The following CBLL2 variants were observed in gnomAD, a reference collection of about 807,000 sequenced individuals.
CBLL2 encodes Cbl proto-oncogene like 2.
For missense variants in CBLL2, 347 were observed against 343.2 expected (o/e 1.01, Z -0.09); for synonymous variants, 123 against 124.9 (o/e 0.98, Z 0.10).
Position 22,274,261 on chromosome X carries a change from C to T in CBLL2, c.1270C>T (p.Arg424Trp), listed in dbSNP as rs765581221. 22 of 1,202,165 alleles carry T rather than the reference C, an allele frequency of 1.8e-5. No individual in the cohort carries two copies. The South Asian group carries it at 2.5e-4, about 14-fold the overall frequency. Residue 424 changes from arginine (R) to tryptophan (W), a missense_variant, in exon 1 of 1, where the codon CGG becomes TGG. Transcript: ENST00000323684. ...TCATTCACACCAGAGAAGACATAGA[C>T]GGTATTAAGGATGATAACAGTATTT... ...SHHSHQRRHR[R>W]Y
chrX:22,273,889 C>T lies in CBLL2; in HGVS notation c.898C>T (p.Pro300Ser). The T allele has an allele frequency of 2.5e-6, 3 of 1,211,331 alleles. No homozygotes were observed. Among genetic ancestry groups the T allele is most frequent in the Non-Finnish European group, 3.4e-6 (3 of 895,385 alleles). Residue 300 changes from proline (P) to serine (S), a missense_variant, in exon 1 of 1, where the codon CCT becomes TCT. By Grantham distance (74) the Pro-to-Ser change is moderately conservative. Coordinates refer to ENST00000323684, the MANE Select transcript of CBLL2 (RefSeq NM_152577.4). ...SPVNHQMPYP[P>S]QDVVTPNSVR... ...AGTAAACCATCAAATGCCATATCCT[C>T]CTCAGGATGTAGTTACTCCTAACTC...
Position 22,273,108 on chromosome X carries a change from G to T in CBLL2, c.117G>T (p.Gly39=), listed in dbSNP as rs771752633. ...KKKKIPGYRW[G]DIKINIIGEK... ...AAAAAATTCCTGGTTACCGTTGGGG[G>T]GACATTAAGATAAACATCATAGGTG... is the stretch of plus-strand genomic sequence containing the variant. Residue 39 remains glycine, a synonymous_variant, in exon 1 of 1, where the codon GGG becomes GGT. Transcript: ENST00000323684. 5.8e-6 allele frequency: 7 copies of T among 1,210,649 alleles called. No homozygotes were observed. Among genetic ancestry groups the T allele is most frequent in the South Asian group, 3.5e-5 (2 of 56,868 alleles).
rs141246738 is a variant in CBLL2, at chrX:22,273,743, C to T, written c.752C>T (p.Ala251Val). 2,063 of 1,209,563 alleles carry T rather than the reference C, an allele frequency of 1.7e-3. 2 individuals carry two copies. The highest frequency in any genetic ancestry group is 2.2e-3 in the Non-Finnish European group (1,930 of 895,116). ...DHIQNNSDSGAKKPTPPDYYP... is the reference protein window; with the variant it reads ...DHIQNNSDSGVKKPTPPDYYP... The stretch of plus-strand genomic sequence containing the variant: ...ATTCAGAATAACTCAGATTCTGGTG[C>T]TAAGAAGCCAACACCTCCCGACTAT... The change falls in exon 1 of 1, where the codon GCT becomes GTT. Residue 251 changes from alanine to valine, a missense_variant. Ala to Val is a moderately conservative substitution (Grantham distance 64). Transcript: ENST00000323684.
Position 22,273,412 on chromosome X carries a change from G to A in CBLL2, c.421G>A (p.Ala141Thr), listed in dbSNP as rs1569106426. The A allele has an allele frequency of 3.3e-6, 4 of 1,211,602 alleles. No homozygotes were observed. Among genetic ancestry groups the A allele is most frequent in the Non-Finnish European group, 4.5e-6 (4 of 895,542 alleles). The part of the protein sequence containing the change: ...QAHIKRRHKR[A>T]RKQVTSASLE... ...TCATATCAAACGCCGCCATAAGAGA[G>A]CTCGAAAACAAGTTACCAGCGCTTC... Residue 141 changes from alanine to threonine, a missense_variant, in exon 1 of 1, where the codon GCT becomes ACT. By Grantham distance (58) the Ala-to-Thr change is moderately conservative. Transcript: ENST00000323684.
In CBLL2 at chrX:22,274,020, CCA is replaced by C; in HGVS notation, c.1030_1031del (p.Gln344ValfsTer5). ...DMNSPPLRAP[Q>X]SQNGNPSASE... ...TGAATTCTCCTCCACTACGTGCTCC[CCA>C]GTCTCAAAATGGTAATCCATCTGCA... On this transcript the variant is annotated frameshift_variant, in exon 1 of 1. Coordinates refer to ENST00000323684, the MANE Select transcript of CBLL2 (RefSeq NM_152577.4). LOFTEE classifies it low-confidence loss of function (END_TRUNC). The C allele has an allele frequency of 8.3e-7, 1 of 1,211,547 alleles. No homozygotes were observed. Among genetic ancestry groups the C allele is most frequent in the Non-Finnish European group, 1.1e-6 (1 of 895,386 alleles).
chrX:22,274,144 A>G lies in CBLL2; in HGVS notation c.1153A>G (p.Met385Val). 1 of 1,211,945 alleles carries G rather than the reference A, an allele frequency of 8.3e-7. No homozygotes were observed. The highest frequency in any genetic ancestry group is 1.1e-6 in the Non-Finnish European group (1 of 895,537). ...LSPQFTQTDA[M>V]DHRRWPAWKR... ...CCCTCAGTTTACACAAACAGATGCA[A>G]TGGATCATAGAAGGTGGCCTGCATG... Residue 385 changes from methionine (M) to valine (V), a missense_variant, in exon 1 of 1, where the codon ATG (methionine) becomes GTG (valine). Physicochemically the swap from Met to Val is conservative, Grantham distance 21. Coordinates refer to ENST00000323684, the MANE Select transcript of CBLL2 (RefSeq NM_152577.4).
At position 22,273,459 on chromosome X, in the gene CBLL2, T is replaced by C. The variant is rs1758449808; in HGVS notation, c.468T>C (p.His156=). Residue 156 remains histidine (H), a synonymous_variant, in exon 1 of 1, where the codon CAT becomes CAC. Coordinates refer to ENST00000323684, the MANE Select transcript of CBLL2 (RefSeq NM_152577.4). ...TSASLEKVRP[H]IAPPQTEISD... The stretch of plus-strand genomic sequence containing the variant: ...CTTCGCTTGAAAAAGTTCGTCCTCA[T>C]ATTGCTCCGCCACAAACTGAAATCT... 5.0e-6 allele frequency: 6 copies of C among 1,209,687 alleles called. No individual in the cohort carries two copies. The highest frequency in any genetic ancestry group is 2.3e-4 in the Middle Eastern group (1 of 4,354).
Position 22,273,361 on chromosome X carries a change from T to C in CBLL2, c.370T>C (p.Tyr124His). The change falls in exon 1 of 1, where the codon TAC (tyrosine) becomes CAC (histidine). Residue 124 changes from tyrosine to histidine, a missense_variant. Transcript: ENST00000323684. ...TATTGTTCAGCAGTGCAAGAGAACATACTTGTCTCAGAAAAGCTTACAGGC... is the reference window on the plus strand; with the variant it reads ...TATTGTTCAGCAGTGCAAGAGAACACACTTGTCTCAGAAAAGCTTACAGGC... ...CSIVQQCKRT[Y>H]LSQKSLQAHI... 8.3e-7 allele frequency: 1 copy of C among 1,211,944 alleles called. No homozygotes were observed. Among genetic ancestry groups the C allele is most frequent in the Non-Finnish European group, 1.1e-6 (1 of 895,568 alleles).
chrX:22,273,660 C>G lies in CBLL2; in HGVS notation c.669C>G (p.Ile223Met). The G allele has an allele frequency of 8.3e-7, 1 of 1,211,250 alleles. No homozygotes were observed. The highest frequency in any genetic ancestry group is 1.7e-5 in the African/African-American group (1 of 57,742). The change falls in exon 1 of 1, where the codon ATC becomes ATG. Residue 223 changes from isoleucine to methionine, a missense_variant. By Grantham distance (10) the Ile-to-Met change is conservative. Coordinates refer to ENST00000323684, the MANE Select transcript of CBLL2 (RefSeq NM_152577.4). ...PELSLSLPFP[I>M]QWETVSIFTR... ...TATCTCTAAGTCTGCCTTTTCCCAT[C>G]CAGTGGGAAACCGTTAGTATTTTTA...
At position 22,273,702 on chromosome X, in the gene CBLL2, T is replaced by C. The variant is rs1277599939; in HGVS notation, c.711T>C (p.Asn237=). The C allele has an allele frequency of 8.3e-7, 1 of 1,209,814 alleles. No homozygotes were observed. Among genetic ancestry groups the C allele is most frequent in the Non-Finnish European group, 1.1e-6 (1 of 895,204 alleles). Residue 237 remains asparagine (N), a synonymous_variant, in exon 1 of 1, where the codon AAT becomes AAC. Transcript: ENST00000323684. ...GTATTTTTACGAGAAAACATGGCAA[T>C]TTAACAGTTGATCATATTCAGAATA... ...TVSIFTRKHG[N]LTVDHIQNNS...
In CBLL2 at chrX:22,274,451, C is replaced by A; in HGVS notation, c.*182C>A. ...TTCCTGAAATAAATATGCAATGTTA[C>A]ATTTTCAAAAGTATTGTGGTTTTTA... On this transcript the variant is annotated 3_prime_UTR_variant, in exon 1 of 1. Coordinates refer to ENST00000323684, the MANE Select transcript of CBLL2 (RefSeq NM_152577.4). 2 of 387,727 alleles carry A rather than the reference C, an allele frequency of 5.2e-6. No homozygotes were observed. Among genetic ancestry groups the A allele is most frequent in the African/African-American group, 2.7e-5 (1 of 37,583 alleles). The allele number at this position is 387,727 out of a possible 1,213,427, so 32.0% of individuals were successfully genotyped here.
chrX:22,273,228 T>C lies in CBLL2; in HGVS notation c.237T>C (p.Tyr79=). 1 of 1,211,867 alleles carries C rather than the reference T, an allele frequency of 8.3e-7. No homozygotes were observed. Among genetic ancestry groups the C allele is most frequent in the Non-Finnish European group, 1.1e-6 (1 of 895,454 alleles). ...TTCCGTGCAAGCATGCTTTTTGCTA[T>C]CACTGTGCTAATTTATATGACAAAG... The part of the protein sequence containing the change: ...RIIPCKHAFC[Y]HCANLYDKVG... The change falls in exon 1 of 1, where the codon TAT becomes TAC. Residue 79 remains tyrosine (Y), a synonymous_variant. Transcript: ENST00000323684.
Position 22,273,059 on chromosome X carries a change from G to T in CBLL2, c.68G>T (p.Gly23Val), listed in dbSNP as rs1276169767. Residue 23 changes from glycine (G) to valine (V), a missense_variant, in exon 1 of 1, where the codon GGA becomes GTA. Coordinates refer to ENST00000323684, the MANE Select transcript of CBLL2 (RefSeq NM_152577.4). ...YNKEGKYYSK[G>V]VKLVRKKKKI... ...AAAGAAGGGAAGTACTACTCTAAAG[G>T]AGTTAAACTGGTGAGAAAAAAGAAA... The T allele has an allele frequency of 8.3e-7, 1 of 1,208,717 alleles. No individual in the cohort carries two copies. Among genetic ancestry groups the T allele is most frequent in the Non-Finnish European group, 1.1e-6 (1 of 893,690 alleles).
chrX:22,274,033 G>A lies in CBLL2; in HGVS notation c.1042G>A (p.Gly348Ser), dbSNP rs1936796584. 8.3e-6 allele frequency: 10 copies of A among 1,209,436 alleles called. No homozygotes were observed. Among genetic ancestry groups the A allele is most frequent in the Non-Finnish European group, 6.7e-6 (6 of 895,090 alleles). Reference protein sequence around the residue: ...PPLRAPQSQNGNPSASEFASH... With the variant: ...PPLRAPQSQNSNPSASEFASH... ...ACTACGTGCTCCCCAGTCTCAAAAT[G>A]GTAATCCATCTGCAAGTGAATTTGC... is the stretch of plus-strand genomic sequence containing the variant. The change falls in exon 1 of 1, where the codon GGT becomes AGT. Residue 348 changes from glycine (G) to serine (S), a missense_variant. By Grantham distance (56) the Gly-to-Ser change is moderately conservative. Transcript: ENST00000323684.
Position 22,273,553 on chromosome X carries a change from G to C in CBLL2, c.562G>C (p.Val188Leu). The C allele has an allele frequency of 8.3e-7, 1 of 1,210,774 alleles. No individual in the cohort carries two copies. The highest frequency in any genetic ancestry group is 1.8e-5 in the South Asian group (1 of 56,883). The change falls in exon 1 of 1, where the codon GTG becomes CTG. Residue 188 changes from valine to leucine, a missense_variant. Val to Leu is a conservative substitution (Grantham distance 32, BLOSUM62 1). Transcript: ENST00000323684. Reference sequence around the variant, plus strand: ...TATTCCACCAGAACAGCACACCATGGTGTCACTACCGTCTGTGCAACATAT... The same window carrying C: ...TATTCCACCAGAACAGCACACCATGCTGTCACTACCGTCTGTGCAACATAT... ...SYIPPEQHTM[V>L]SLPSVQHMLQ... is the part of the protein sequence containing the mutation.
rs748598374 is a variant in CBLL2 at position 22,274,130 on chromosome X, C to T, written c.1139C>T (p.Thr380Ile). 5 of 1,210,212 alleles carry T rather than the reference C, an allele frequency of 4.1e-6. No homozygotes were observed. In the East Asian group the frequency reaches 1.5e-4, roughly 36 times the overall value. Reference sequence around the variant, plus strand: ...CAAGAAACCTTGAGCCCTCAGTTTACACAAACAGATGCAATGGATCATAGA... The same window carrying T: ...CAAGAAACCTTGAGCCCTCAGTTTATACAAACAGATGCAATGGATCATAGA... ...ENQETLSPQF[T>I]QTDAMDHRRW... Residue 380 changes from threonine (T) to isoleucine (I), a missense_variant, in exon 1 of 1, where the codon ACA becomes ATA. Coordinates refer to ENST00000323684, the MANE Select transcript of CBLL2 (RefSeq NM_152577.4).
In CBLL2 at chrX:22,273,400, C is replaced by T. The variant is rs373087492; in HGVS notation, c.409C>T (p.Arg137Cys). ...QKSLQAHIKR[R>C]HKRARKQVTS... ...AAGCTTACAGGCTCATATCAAACGC[C>T]GCCATAAGAGAGCTCGAAAACAAGT... The change falls in exon 1 of 1, where the codon CGC becomes TGC. Residue 137 changes from arginine to cysteine, a missense_variant. Arg to Cys is a radical substitution (Grantham distance 180, BLOSUM62 -3). Coordinates refer to ENST00000323684, the MANE Select transcript of CBLL2 (RefSeq NM_152577.4). 3.3e-6 allele frequency: 4 copies of T among 1,209,816 alleles called. No individual in the cohort carries two copies. Among genetic ancestry groups the T allele is most frequent in the Middle Eastern group, 2.3e-4 (1 of 4,370 alleles).
rs946365902 is a variant in CBLL2 at position 22,274,114 on chromosome X, T to C, written c.1123T>C (p.Leu375=). The change falls in exon 1 of 1, where the codon TTG becomes CTG. Residue 375 remains leucine, a synonymous_variant. Coordinates refer to ENST00000323684, the MANE Select transcript of CBLL2 (RefSeq NM_152577.4). ...LPQFTENQET[L]SPQFTQTDAM... is the part of the protein sequence containing the mutation. Reference sequence around the variant, plus strand: ...TCAGTTCACCGAAAATCAAGAAACCTTGAGCCCTCAGTTTACACAAACAGA... The same window carrying C: ...TCAGTTCACCGAAAATCAAGAAACCCTGAGCCCTCAGTTTACACAAACAGA... 8.3e-7 allele frequency: 1 copy of C among 1,210,009 alleles called. No individual in the cohort carries two copies. Among genetic ancestry groups the C allele is most frequent in the Non-Finnish European group, 1.1e-6 (1 of 895,357 alleles).
chrX:22,274,303 T>G lies in CBLL2; in HGVS notation c.*34T>G. 2.6e-6 allele frequency: 3 copies of G among 1,146,443 alleles called. No homozygotes were observed. Among genetic ancestry groups the G allele is most frequent in the Non-Finnish European group, 3.5e-6 (3 of 852,911 alleles). 94.5% of individuals were successfully genotyped at this position (1,146,443 alleles called of 1,213,427 possible). ...ACAGTATTTGGAACTGAAGACCTGA[T>G]GGGAAAAAAACCTTCAAGTTCTATA... On this transcript the variant is annotated 3_prime_UTR_variant, in exon 1 of 1. Transcript: ENST00000323684.
Sources: gnomAD v4.1 joint callset for allele counts on GRCh38, gnomAD v4.1.1 for gene constraint, MANE v1.5 for transcripts, NCBI Gene and HGNC (gene_info 2026-07-23, HGNC 2026-07-21) for gene names.